Variants in TMC5 observed in about 807,000 individuals in gnomAD.
The protein encoded by TMC5 is transmembrane channel like 5, also known as transmembrane channel-like protein 5.
A neutral mutation model predicts 110.5 loss-of-function variants in TMC5; 86 were observed. The observed-to-expected ratio is 0.78, with a 90% confidence interval of 0.65 to 0.93. TMC5 has a LOEUF of 0.93. Among genes scored for constraint, TMC5 ranks in the 40% least tolerant of loss-of-function variants. The pLI is 0.00. For missense variants in TMC5, 1,144 were observed against 1,222.8 expected (o/e 0.94, Z 0.96); for synonymous variants, 455 against 439.5 (o/e 1.04, Z -0.44).
In TMC5 at chr16:19,492,241, G is replaced by A; in HGVS notation, c.2826+13G>A. 2.4e-5 allele frequency: 38 copies of A among 1,598,338 alleles called. No individual in the cohort carries two copies. The highest frequency in any genetic ancestry group is 3.3e-5 in the Non-Finnish European group (38 of 1,165,978). On this transcript the variant is annotated intron_variant, in intron 19 of 21. Transcript: ENST00000542583. ...GCAGATCATTAATGTAAGTCCCCTT[G>A]GATCCCTCTGATGTCCGCCCTCACC...
chr16:19,488,870 A>G (rs1292070253), intron 17 of TMC5, among the ~76,000 whole-genome samples: 1 of 152,252 alleles, frequency 6.6e-6, no homozygotes, highest in Non-Finnish European at 1.5e-5. Flanking sequence ...TGAAGTCCCC[A>G]GAGCCTGACT....
chr16:19,434,022 AT>A (rs1239434311), intron 2 of TMC5, among the ~76,000 whole-genome samples: 107 of 6,708 alleles, frequency 0.016, 1 homozygote, highest in African/African-American at 0.043. Context: ...TAATATATAT[AT>A]AAATCTATAT....
chr16:19,431,616 C>T (rs908216646), intron 2 of TMC5, among the ~76,000 whole-genome samples: 1 of 151,714 alleles, frequency 6.6e-6, no homozygotes. Flanking sequence ...CTTGTTTTGC[C>T]TCTCTCGGGG....
At chr16:19,455,135 TA>T (rs552444183) in intron 5 of TMC5, among the ~76,000 whole-genome samples, 13 of 148,418 alleles carry the variant, frequency 8.8e-5, no homozygotes, top group South Asian at 2.2e-4. Flanking sequence ...ACCTCATCTC[TA>T]AAAAAAAAAG....
intron 20 of TMC5, among the ~76,000 whole-genome samples, chr16:19,494,613 C>T (rs1969003010): frequency 6.6e-6 from 1 of 152,132 alleles, no homozygotes; most frequent in Non-Finnish European, 1.5e-5. Flanking sequence ...TTGAGACCAG[C>T]CTGGCCAATA....
intron 13 of TMC5, among the ~76,000 whole-genome samples, chr16:19,478,901 T>C (rs1003603714): frequency 6.6e-5 from 10 of 152,226 alleles, no homozygotes; most frequent in African/African-American, 2.4e-4. Flanking sequence ...GTCTATCAGC[T>C]GATAGCACTG....
chr16:19,416,215 A>T (rs1176852926), upstream of TMC5, among the ~76,000 whole-genome samples: 1 of 151,734 alleles, frequency 6.6e-6, no homozygotes, highest in Non-Finnish European at 1.5e-5. Flanking sequence ...GAGGAACGGT[A>T]ACTATAGACC....
At chr16:19,472,310 T>C in intron 11 of TMC5, 67 bp downstream of exon 11, 1 of 1,572,232 alleles carries the variant, frequency 6.4e-7, no homozygotes, top group Non-Finnish European at 8.7e-7. Flanking sequence ...AGGGGAAGGG[T>C]GGTGTGCAGC....
At chr16:19,415,150 G>A (rs766383547), upstream of TMC5, among the ~76,000 whole-genome samples, 4 of 152,158 alleles carry the variant, frequency 2.6e-5, no homozygotes, top group Non-Finnish European at 5.9e-5. Flanking sequence ...GACAAGAAAC[G>A]TATAATTACA....
At chr16:19,416,245 A>G (rs1261764658), upstream of TMC5, among the ~76,000 whole-genome samples, 1 of 151,746 alleles carries the variant, frequency 6.6e-6, no homozygotes, top group Non-Finnish European at 1.5e-5. Context: ...TCTGTGAATT[A>G]TAGAACTAGG....
At position 19,494,282 on chromosome 16, in the gene TMC5, C is replaced by A; in HGVS notation, c.2847C>A (p.Phe949Leu). ...QIINEGKDKM[F>L]LIEKLIKLQD... ...GGTAGGAGGGCAAAGATAAAATGTT[C>A]CTGATAGAAAAATTGATCAAGCTGC... Residue 949 changes from phenylalanine (F) to leucine (L), a missense_variant, in exon 20 of 22, where the codon TTC (phenylalanine) becomes TTA (leucine). Coordinates refer to ENST00000542583, the MANE Select transcript of TMC5 (RefSeq NM_001261841.2). 1 of 1,612,008 alleles carries A rather than the reference C, an allele frequency of 6.2e-7. No homozygotes were observed. The highest frequency in any genetic ancestry group is 1.1e-5 in the South Asian group (1 of 90,766).
At position 19,457,709 on chromosome 16, in the gene TMC5, CTTTTTTTTTTTTTTT is replaced by C. The variant is rs573979829; in HGVS notation, c.1049-2506_1049-2492del. Among the ~76,000 whole-genome samples the C allele has an allele frequency of 9.6e-4, 42 of 43,924 alleles. 2 individuals are homozygous for C. The South Asian group carries it at 0.018, about 19-fold the overall frequency. The allele number at this position is 43,924 out of a possible 152,430, so 28.8% of individuals were successfully genotyped here. ...TCTATCTGATTCCCAAGACTACATT[CTTTTTTTTTTTTTTT>C]TTTTTTTTTTTTTTTTTTTGAGACA... On this transcript the variant is annotated intron_variant, in intron 5 of 21. Transcript: ENST00000542583.
chr16:19,456,913 G>T lies in TMC5; in HGVS notation c.1049-3322G>T, dbSNP rs551240184. On this transcript the variant is annotated intron_variant, in intron 5 of 21. Coordinates refer to ENST00000542583, the MANE Select transcript of TMC5 (RefSeq NM_001261841.2). ...GGAATGACCAAAAGGGTAACCAGGT[G>T]CTGCGGTTTTCAACATCTTTGAATG... 13 of 1,614,222 alleles carry T rather than the reference G, an allele frequency of 8.1e-6. No individual in the cohort carries two copies. The East Asian group carries it at 2.7e-4, about 33-fold the overall frequency.
rs761529950 is a variant in TMC5, at chr16:19,494,359, A to C, written c.2924A>C (p.Glu975Ala). Residue 975 changes from glutamate (E) to alanine (A), a missense_variant, in exon 20 of 22, where the codon GAG becomes GCG. Glu to Ala is a moderately radical substitution (Grantham distance 107). Transcript: ENST00000542583. The stretch of plus-strand genomic sequence containing the variant: ...AGCTCACTTGTTCTGGAAAGGAGAG[A>C]GGTGGAGGTGAGTCTGGAGGCTGCC... ...NPSSLVLERR[E>A]VEQQGFLHLG... is the part of the protein sequence containing the mutation. The C allele has an allele frequency of 9.9e-6, 16 of 1,613,076 alleles. 1 individual carries two copies. In the South Asian group the frequency reaches 1.8e-4, roughly 18 times the overall value.
chr16:19,466,063 G>A lies in TMC5; in HGVS notation c.1486-19G>A. 1.2e-6 allele frequency: 2 copies of A among 1,612,814 alleles called. No individual in the cohort carries two copies. The highest frequency in any genetic ancestry group is 1.7e-6 in the Non-Finnish European group (2 of 1,179,346). On this transcript the variant is annotated intron_variant, in intron 8 of 21. Coordinates refer to ENST00000542583, the MANE Select transcript of TMC5 (RefSeq NM_001261841.2). Reference sequence around the variant, plus strand: ...TTTTCAGGAGATCCACCTGACCTATGGTTTATTGTACCTTTCAGGGTTATT... The same window carrying A: ...TTTTCAGGAGATCCACCTGACCTATAGTTTATTGTACCTTTCAGGGTTATT...
At chr16:19,435,751 G>C (rs1014367932) in intron 2 of TMC5, among the ~76,000 whole-genome samples, 1 of 152,136 alleles carries the variant, frequency 6.6e-6, no homozygotes, top group Non-Finnish European at 1.5e-5. Context: ...GCCTGCTTTT[G>C]AACTTTGTAA....
intron 9 of TMC5, among the ~76,000 whole-genome samples, chr16:19,468,878 G>T (rs1328967441): frequency 3.9e-5 from 6 of 152,214 alleles, no homozygotes; most frequent in Non-Finnish European, 7.3e-5. Flanking sequence ...TGTAGTTCCA[G>T]CTACTTTGGA....
At chr16:19,419,856 G>C (rs62026160) in intron 1 of TMC5, among the ~76,000 whole-genome samples, 1 of 152,164 alleles carries the variant, frequency 6.6e-6, no homozygotes. Context: ...GATTTTTCGG[G>C]ATGACGTGGC....
intron 4 of TMC5, among the ~76,000 whole-genome samples, chr16:19,448,304 G>GCACACA (rs35504788): frequency 0.038 from 5,465 of 142,252 alleles, 126 homozygotes; most frequent in African/African-American, 0.066. Flanking sequence ...ACACACACAC[G>GCACACA]CACACACACA....
Sources: gnomAD v4.1 joint callset for allele counts (sites outside exome capture counted in the v4.1 genomes callset) on GRCh38, gnomAD v4.1.1 for gene constraint, MANE v1.5 for transcripts, NCBI Gene and HGNC (gene_info 2026-07-23, HGNC 2026-07-21) for gene names.